The following CDH13 variants were observed in gnomAD, a reference collection of about 807,000 sequenced individuals.
CDH13 encodes the protein cadherin 13.
CDH13 carries 24 observed loss-of-function variants against 63.8 expected under a neutral mutation model. That is an observed-to-expected ratio of 0.38 (90% CI 0.27 to 0.53). The LOEUF (loss-of-function observed/expected upper bound fraction) is 0.53, where lower values mean the gene tolerates loss of function less well. CDH13 is among the 20% of genes least tolerant of loss of function. The pLI, the probability that CDH13 is intolerant of heterozygous loss-of-function variation, is 0.85. For synonymous variants in CDH13, 503 were observed against 355.3 expected, an observed-to-expected ratio of 1.42 and a Z score of -4.67; for missense variants, 1,049 against 903.1, an observed-to-expected ratio of 1.16 and a Z score of -2.07.
intron 9 of CDH13, among the ~76,000 whole-genome samples, chr16:83,671,958 G>C (rs994549850): frequency 2.6e-5 from 4 of 152,206 alleles, no homozygotes; most frequent in East Asian, 1.9e-4. Flanking sequence ...GTTCTGGGGA[G>C]AGTTTCTGCC....
chr16:83,671,092 G>T, intron 9 of CDH13, 120 bp downstream of exon 9: 1 of 849,324 alleles, frequency 1.2e-6, no homozygotes, highest in Middle Eastern at 3.7e-4. Flanking sequence ...TCCTCCTTCT[G>T]GGAATTAACA....
intron 1 of CDH13, among the ~76,000 whole-genome samples, chr16:82,641,997 A>G (rs1567582149): frequency 1.3e-5 from 2 of 150,386 alleles, no homozygotes; most frequent in African/African-American, 2.5e-5. Context: ...GATTATTTTC[A>G]TCTGCTTCCC....
chr16:83,396,816 G>T (rs2091893882), intron 6 of CDH13: 1 of 152,154 alleles, frequency 6.6e-6, no homozygotes, highest in South Asian at 2.1e-4. Flanking sequence ...GGGGAGACTG[G>T]GAGACACAAA....
In CDH13 at chr16:83,567,854, C is replaced by T. The variant is rs564281729; in HGVS notation, c.961-34600C>T. Among the ~76,000 whole-genome samples, 3 of 151,846 alleles carry T rather than the reference C, an allele frequency of 2.0e-5. No individual in the cohort carries two copies. In the East Asian group the frequency reaches 5.8e-4, roughly 29 times the overall value. On this transcript the variant is annotated intron_variant, in intron 7 of 13. Coordinates refer to ENST00000567109, the MANE Select transcript of CDH13 (RefSeq NM_001257.5). ...TCGTGATCCACCTGCCTCGGCCTCC[C>T]AAAGTGCTGGGATTACAGGCATGAG... is the stretch of plus-strand genomic sequence containing the variant.
intron 1 of CDH13, among the ~76,000 whole-genome samples, chr16:82,782,688 A>G (rs1250105508): frequency 6.6e-6 from 1 of 152,226 alleles, no homozygotes; most frequent in African/African-American, 2.4e-5. Flanking sequence ...GCATCTTGAC[A>G]TCTTTGACCA....
intron 5 of CDH13, among the ~76,000 whole-genome samples, chr16:83,232,420 G>T (rs1018429503): frequency 2.6e-5 from 4 of 151,802 alleles, no homozygotes; most frequent in African/African-American, 9.7e-5. Flanking sequence ...AGCTACTAGG[G>T]AGGCTGAGGC....
At chr16:82,969,048 A>C (rs554658856) in intron 2 of CDH13, among the ~76,000 whole-genome samples, 2 of 152,348 alleles carry the variant, frequency 1.3e-5, no homozygotes, top group East Asian at 1.9e-4. Context: ...CAGAAGTTGC[A>C]GTAAGCCAAG....
chr16:82,970,460 C>T (rs925128934), intron 2 of CDH13, among the ~76,000 whole-genome samples: 8 of 104,468 alleles, frequency 7.7e-5, no homozygotes, highest in African/African-American at 1.3e-4. Context: ...ACTGCAGTGG[C>T]GCAATCTCGG....
chr16:83,177,369 G>C (rs1237697157), intron 4 of CDH13, among the ~76,000 whole-genome samples: 1 of 152,118 alleles, frequency 6.6e-6, no homozygotes, highest in Non-Finnish European at 1.5e-5. Context: ...CCATCCCCAG[G>C]TCTGCTACAG....
chr16:82,816,383 G>A (rs76997596), intron 1 of CDH13, among the ~76,000 whole-genome samples: 3,521 of 152,142 alleles, frequency 0.023, 121 homozygotes, highest in African/African-American at 0.076. Flanking sequence ...CTTATATTCC[G>A]GGGGGAAAAA....
intron 8 of CDH13, among the ~76,000 whole-genome samples, chr16:83,649,515 A>G (rs939910734): frequency 2.0e-5 from 3 of 152,102 alleles, no homozygotes; most frequent in Non-Finnish European, 4.4e-5. Flanking sequence ...AGTCATGAAC[A>G]TGTTTATGGA....
In CDH13 at chr16:82,835,588, A is replaced by C. The variant is rs80156939; in HGVS notation, c.46-22774A>C. Among the ~76,000 whole-genome samples, 1,377 of 152,238 alleles carry C rather than the reference A, an allele frequency of 9.0e-3. 20 individuals carry two copies. The highest frequency in any genetic ancestry group is 0.032 in the African/African-American group (1,345 of 41,530). On this transcript the variant is annotated intron_variant, in intron 1 of 13. Coordinates refer to ENST00000567109, the MANE Select transcript of CDH13 (RefSeq NM_001257.5). ...ATCATTTCCAATTCCGCTGCTGGTTATTTAACACGCCAGGGGCAGTAGGTG... is the reference window on the plus strand; with the variant it reads ...ATCATTTCCAATTCCGCTGCTGGTTCTTTAACACGCCAGGGGCAGTAGGTG...
chr16:83,036,393 T>C lies in CDH13; in HGVS notation c.366+4175T>C, dbSNP rs1337023200. Among the ~76,000 whole-genome samples, 4 of 152,064 alleles carry C rather than the reference T, an allele frequency of 2.6e-5. No individual in the cohort carries two copies. In the East Asian group the frequency reaches 7.8e-4, roughly 30 times the overall value. On this transcript the variant is annotated intron_variant, in intron 3 of 13. Transcript: ENST00000567109. ...TTGAATTCCTGACCTTAAGTGATCC[T>C]CCTGCCTCAGCCTCCCAAAGTGCTG...
At chr16:83,696,398 GCTT>G (rs757866084) in intron 10 of CDH13, among the ~76,000 whole-genome samples, 24 of 152,138 alleles carry the variant, frequency 1.6e-4, no homozygotes, top group Non-Finnish European at 2.1e-4. Flanking sequence ...TGTGTCTGGG[GCTT>G]CTTTTGAAAT....
chr16:82,889,741 A>G (rs923062179), intron 2 of CDH13, among the ~76,000 whole-genome samples: 2 of 152,268 alleles, frequency 1.3e-5, no homozygotes, highest in South Asian at 4.1e-4. Context: ...TGTAGAAAGA[A>G]AAATTGAGTA....
At chr16:82,842,669 G>C (rs547019553) in intron 1 of CDH13, among the ~76,000 whole-genome samples, 1 of 152,076 alleles carries the variant, frequency 6.6e-6, no homozygotes, top group African/African-American at 2.4e-5. Flanking sequence ...GGAGGATTTG[G>C]GGATGATTCA....
At chr16:83,373,739 C>T (rs1188887957) in intron 6 of CDH13, among the ~76,000 whole-genome samples, 1 of 152,176 alleles carries the variant, frequency 6.6e-6, no homozygotes, top group Non-Finnish European at 1.5e-5. Flanking sequence ...TTACCTTTCA[C>T]TAGTTGAGGG....
At chr16:83,013,121 T>G (rs1022384701) in intron 2 of CDH13, among the ~76,000 whole-genome samples, 1 of 152,206 alleles carries the variant, frequency 6.6e-6, no homozygotes, top group Non-Finnish European at 1.5e-5. Flanking sequence ...AACAAACTTA[T>G]TTTGAAAAGG....
rs188621941 is a variant in CDH13, at chr16:82,935,823, G to A, written c.157+77350G>A. Among the ~76,000 whole-genome samples, 257 of 152,294 alleles carry A rather than the reference G, an allele frequency of 1.7e-3. 1 individual carries two copies. Among genetic ancestry groups the A allele is most frequent in the Middle Eastern group, 3.4e-3 (1 of 294 alleles). The stretch of plus-strand genomic sequence containing the variant: ...AATTTAGGTCATGGACACACACGAG[G>A]AGTTTAGGAGTGGAGGTTTAACACG... On this transcript the variant is annotated intron_variant, in intron 2 of 13. Coordinates refer to ENST00000567109, the MANE Select transcript of CDH13 (RefSeq NM_001257.5).
Sources: gnomAD v4.1 joint callset for allele counts (sites outside exome capture counted in the v4.1 genomes callset) on GRCh38, gnomAD v4.1.1 for gene constraint, MANE v1.5 for transcripts, NCBI Gene and HGNC (gene_info 2026-07-23, HGNC 2026-07-21) for gene names.